The following SPIDR variants were observed in gnomAD, a reference collection of about 807,000 sequenced individuals.
SPIDR encodes the protein DNA repair-scaffolding protein.
In SPIDR, 93 loss-of-function variants were observed where a neutral mutation model predicts 104.6. That is an observed-to-expected ratio of 0.89 (90% CI 0.75 to 1.06). SPIDR has a LOEUF of 1.06. Ranked by LOEUF, SPIDR falls within the 50% of genes least tolerant of loss-of-function variation. The pLI is 0.00. For synonymous variants in SPIDR, 431 were observed against 416.9 expected (o/e 1.03, Z -0.41); for missense variants, 1,154 against 1,111.2 (o/e 1.04, Z -0.55).
At chr8:47,587,164 CTAACA>C (rs2060338094) in intron 8 of SPIDR, among the ~76,000 whole-genome samples, 1 of 152,144 alleles carries the variant, frequency 6.6e-6, no homozygotes, top group Non-Finnish European at 1.5e-5. Flanking sequence ...AAATTTTTCC[CTAACA>C]TTTTTCTCGT....
At chr8:47,493,485 C>A (rs2079034874) in intron 8 of SPIDR, among the ~76,000 whole-genome samples, 1 of 152,132 alleles carries the variant, frequency 6.6e-6, no homozygotes, top group Non-Finnish European at 1.5e-5. Context: ...TTTAACACTT[C>A]AGGATCAAAT....
intron 1 of SPIDR, among the ~76,000 whole-genome samples, chr8:47,270,693 A>G (rs1267908260): frequency 2.0e-5 from 3 of 152,012 alleles, no homozygotes; most frequent in Non-Finnish European, 4.4e-5. Flanking sequence ...TTTTAAATGT[A>G]GTCATTTACA....
intron 10 of SPIDR, among the ~76,000 whole-genome samples, chr8:47,653,025 AGACTATATAAGCAAC>A (rs754900951): frequency 7.9e-5 from 12 of 152,190 alleles, no homozygotes; most frequent in Non-Finnish European, 1.8e-4. Context: ...CAGAGCCTGA[AGACTATATAAGCAAC>A]TGTCTTCTCA....
At chr8:47,414,909 G>T (rs1365919619) in intron 7 of SPIDR, among the ~76,000 whole-genome samples, 1 of 151,510 alleles carries the variant, frequency 6.6e-6, no homozygotes, top group Non-Finnish European at 1.5e-5. Flanking sequence ...GTTTTGTTTT[G>T]TTTTTTTTCT....
chr8:47,555,558 G>A (rs1163611715), intron 8 of SPIDR, among the ~76,000 whole-genome samples: 3 of 152,168 alleles, frequency 2.0e-5, no homozygotes, highest in Admixed American at 1.3e-4. Flanking sequence ...AAAATCTATA[G>A]TGTTAACAGC....
chr8:47,643,861 A>G (rs536490267), intron 10 of SPIDR, among the ~76,000 whole-genome samples: 32 of 152,342 alleles, frequency 2.1e-4, no homozygotes, highest in African/African-American at 7.2e-4. Flanking sequence ...ATATTTGATC[A>G]TGACTGTAGA....
At chr8:47,613,151 C>A (rs2154431765) in intron 10 of SPIDR, among the ~76,000 whole-genome samples, 1 of 152,318 alleles carries the variant, frequency 6.6e-6, no homozygotes, top group Non-Finnish European at 1.5e-5. Flanking sequence ...AGTCCCTCCC[C>A]ACTAACCCCT....
At chr8:47,707,926 A>AT (rs1391076390) in intron 14 of SPIDR, among the ~76,000 whole-genome samples, 1 of 152,072 alleles carries the variant, frequency 6.6e-6, no homozygotes, top group Non-Finnish European at 1.5e-5. Context: ...GGAGAGATCT[A>AT]TTTTTTCCTG....
chr8:47,334,359 A>G (rs548938960), intron 5 of SPIDR, among the ~76,000 whole-genome samples: 1 of 152,306 alleles, frequency 6.6e-6, no homozygotes, highest in African/African-American at 2.4e-5. Flanking sequence ...CATTTCTGTG[A>G]GAGATCTTGA....
At chr8:47,424,948 A>C (rs2066182456) in intron 7 of SPIDR, among the ~76,000 whole-genome samples, 1 of 152,208 alleles carries the variant, frequency 6.6e-6, no homozygotes, top group African/African-American at 2.4e-5. Context: ...TGCTAGAATT[A>C]CAGACATTAA....
chr8:47,406,062 C>A (rs1047253048), intron 6 of SPIDR, among the ~76,000 whole-genome samples: 1 of 150,012 alleles, frequency 6.7e-6, no homozygotes, highest in Non-Finnish European at 1.5e-5. Flanking sequence ...TTGACTTTAA[C>A]CAGATAGTTT....
At chr8:47,626,224 T>C (rs1399341206) in intron 10 of SPIDR, among the ~76,000 whole-genome samples, 1 of 152,192 alleles carries the variant, frequency 6.6e-6, no homozygotes, top group Non-Finnish European at 1.5e-5. Context: ...TTACACCTTA[T>C]ACACAAATTA....
At chr8:47,359,955 G>T (rs1386761391) in intron 5 of SPIDR, among the ~76,000 whole-genome samples, 3 of 152,090 alleles carry the variant, frequency 2.0e-5, no homozygotes, top group Admixed American at 6.5e-5. Context: ...TGAAATAGAG[G>T]GACTGGGCTG....
chr8:47,528,524 A>G (rs773172405), intron 8 of SPIDR, among the ~76,000 whole-genome samples: 13 of 152,166 alleles, frequency 8.5e-5, no homozygotes, highest in Admixed American at 3.3e-4. Flanking sequence ...TTTAATTCCT[A>G]AGATTAATAT....
intron 8 of SPIDR, among the ~76,000 whole-genome samples, chr8:47,546,461 T>C (rs1405126402): frequency 6.6e-6 from 1 of 152,174 alleles, no homozygotes; most frequent in Non-Finnish European, 1.5e-5. Context: ...ATTCCCTTTT[T>C]CACTCCAGAT....
chr8:47,347,073 T>A (rs782628594), intron 5 of SPIDR, among the ~76,000 whole-genome samples: 33 of 152,216 alleles, frequency 2.2e-4, no homozygotes, highest in Non-Finnish European at 4.1e-4. Context: ...TCTTTCCTCT[T>A]GTGGGCATTT....
chr8:47,714,439 T>C (rs891976688), intron 16 of SPIDR, among the ~76,000 whole-genome samples: 2 of 152,160 alleles, frequency 1.3e-5, no homozygotes, highest in Non-Finnish European at 2.9e-5. Flanking sequence ...TACATACATC[T>C]GAGATGTTTC....
intron 11 of SPIDR, among the ~76,000 whole-genome samples, chr8:47,693,118 T>C (rs1239307730): frequency 6.6e-6 from 1 of 152,244 alleles, no homozygotes; most frequent in African/African-American, 2.4e-5. Context: ...GCTGTCTGCC[T>C]AGCAGAACAA....
chr8:47,500,960 C>G (rs1361385661), intron 8 of SPIDR, among the ~76,000 whole-genome samples: 6 of 152,154 alleles, frequency 3.9e-5, no homozygotes, highest in African/African-American at 1.4e-4. Flanking sequence ...TGTAGATATG[C>G]GGCATTATTT....
Sources: gnomAD v4.1 joint callset for allele counts (sites outside exome capture counted in the v4.1 genomes callset) on GRCh38, gnomAD v4.1.1 for gene constraint, MANE v1.5 for transcripts, NCBI Gene and HGNC (gene_info 2026-07-23, HGNC 2026-07-21) for gene names.